Variants in IMMT observed in about 807,000 individuals in gnomAD.
The protein encoded by IMMT is inner membrane mitochondrial protein.
Under a neutral mutation model 92.7 loss-of-function variants are expected in IMMT, and 40 were observed. The observed-to-expected ratio is 0.43, with a 90% CI of 0.34 to 0.56. The LOEUF is 0.56. IMMT is among the 20% of genes least tolerant of loss of function. The pLI, the probability that IMMT is intolerant of heterozygous loss-of-function variation, is 0.03. For missense variants in IMMT, 831 were observed against 912.1 expected, an observed-to-expected ratio of 0.91 and a Z score of 1.14; for synonymous variants, 322 against 336.1, an observed-to-expected ratio of 0.96 and a Z score of 0.46.
At chr2:86,155,087 G>T (rs764812241) in intron 10 of IMMT, among the ~76,000 whole-genome samples, 14 of 152,080 alleles carry the variant, frequency 9.2e-5, no homozygotes, top group Non-Finnish European at 2.1e-4. Flanking sequence ...GGTCTTGAAC[G>T]CCTAACCTCA....
chr2:86,178,721 T>G (rs1677619620), intron 3 of IMMT, among the ~76,000 whole-genome samples: 1 of 152,020 alleles, frequency 6.6e-6, no homozygotes, highest in Non-Finnish European at 1.5e-5. Flanking sequence ...AGGTTCTACA[T>G]CCATAGATTC....
At chr2:86,194,649 GTAACTGGGT>G (rs1673402183) in intron 1 of IMMT, among the ~76,000 whole-genome samples, 1 of 152,122 alleles carries the variant, frequency 6.6e-6, no homozygotes, top group Admixed American at 6.5e-5. Flanking sequence ...AAAACTAGAA[GTAACTGGGT>G]ATTTAGGCTC....
chr2:86,171,838 G>A (rs993703729), intron 4 of IMMT, among the ~76,000 whole-genome samples: 2 of 141,104 alleles, frequency 1.4e-5, no homozygotes, highest in East Asian at 2.0e-4. Context: ...ACAGAACTGA[G>A]TTAAAATACA....
chr2:86,187,943 C>T (rs75194598), intron 1 of IMMT, among the ~76,000 whole-genome samples: 1,837 of 152,028 alleles, frequency 0.012, 45 homozygotes, highest in African/African-American at 0.041. Flanking sequence ...ACTGAGACAC[C>T]ACTAAACTAT....
At chr2:86,156,318 G>A (rs571856406) in intron 10 of IMMT, among the ~76,000 whole-genome samples, 20 of 152,266 alleles carry the variant, frequency 1.3e-4, no homozygotes, top group Middle Eastern at 6.8e-3. Flanking sequence ...GCAGCCGGGC[G>A]TGGTGTCTCA....
At chr2:86,158,795 ATTCC>A (rs1676055236) in intron 9 of IMMT, 74 bp from the exon 10 acceptor site, 1 of 1,212,444 alleles carries the variant, frequency 8.2e-7, no homozygotes, top group East Asian at 2.5e-5. Context: ...CAGAAGTAGT[ATTCC>A]TTCATTTGTT....
chr2:86,159,296 G>T, intron 9 of IMMT: 1 of 537,312 alleles, frequency 1.9e-6, no homozygotes. Context: ...TGTTGCCCAG[G>T]CTGGTCTCAA....
At chr2:86,181,192 C>A in intron 2 of IMMT, 107 bp downstream of exon 2, 1 of 760,266 alleles carries the variant, frequency 1.3e-6, no homozygotes. Flanking sequence ...TGTATGTACC[C>A]CTTTTTAAAA....
At chr2:86,156,779 C>G (rs1174932122) in intron 10 of IMMT, among the ~76,000 whole-genome samples, 1 of 152,056 alleles carries the variant, frequency 6.6e-6, no homozygotes, top group Admixed American at 6.6e-5. Flanking sequence ...AAAATTTGTC[C>G]TGCCCTGTCA....
intron 1 of IMMT, among the ~76,000 whole-genome samples, chr2:86,186,226 C>A (rs1054892552): frequency 6.6e-6 from 1 of 152,134 alleles, no homozygotes; most frequent in African/African-American, 2.4e-5. Context: ...AATGCTGATG[C>A]TTTGATGGCA....
Position 86,159,673 on chromosome 2 carries a change from T to C in IMMT, c.897-2A>G. The stretch of plus-strand genomic sequence containing the variant: ...CTTTTCATCTTCTCTAACTCTTCTC[T>C]GGAAACCAACAAAACAAAGATTTAA... On this transcript the variant is annotated splice_acceptor_variant, in intron 8 of 14. Coordinates refer to ENST00000410111, the MANE Select transcript of IMMT (RefSeq NM_006839.3). LOFTEE classifies it high-confidence loss of function. 6.5e-7 allele frequency: 1 copy of C among 1,548,008 alleles called. No individual in the cohort carries two copies. The highest frequency in any genetic ancestry group is 1.3e-5 in the South Asian group (1 of 78,132).
Position 86,145,985 on chromosome 2 carries a change from T to G in IMMT, c.1663+83A>C, listed in dbSNP as rs1026313204. The G allele has an allele frequency of 2.6e-6, 3 of 1,132,306 alleles. No individual in the cohort carries two copies. In the African/African-American group the frequency reaches 4.7e-5, roughly 18 times the overall value. The allele number at this position is 1,132,306 out of a possible 1,614,324, so 70.1% of individuals were successfully genotyped here. ...ATTTTTATGTCCTGATGTCAGTACA[T>G]GTACCCCATTTTCCCTATAAAATTA... On this transcript the variant is annotated intron_variant, in intron 14 of 14. Transcript: ENST00000410111.
At chr2:86,194,356 C>T (rs1673382793) in intron 1 of IMMT, among the ~76,000 whole-genome samples, 1 of 152,154 alleles carries the variant, frequency 6.6e-6, no homozygotes, top group Non-Finnish European at 1.5e-5. Flanking sequence ...GTATTTGTTA[C>T]GCAGCAATAG....
At position 86,195,370 on chromosome 2, in the gene IMMT, A is replaced by C; in HGVS notation, c.13T>G (p.Cys5Gly). The C allele has an allele frequency of 6.5e-7, 1 of 1,549,408 alleles. No homozygotes were observed. Among genetic ancestry groups the C allele is most frequent in the Middle Eastern group, 1.7e-4 (1 of 5,952 alleles). ...GCGGCGGTCACACCCGATAACTGAC[A>C]GGCCCGCAGCATCTCGGTCAAGCGG... MLRACQLSGVTAAAQ... is the reference protein window; with the variant it reads MLRAGQLSGVTAAAQ... The change falls in exon 1 of 15, where the codon TGT becomes GGT. Residue 5 changes from cysteine (C) to glycine (G), a missense_variant. Transcript: ENST00000410111.
chr2:86,170,663 T>C (rs772542900), intron 6 of IMMT, 86 bp downstream of exon 6: 34 of 852,200 alleles, frequency 4.0e-5, no homozygotes, highest in Non-Finnish European at 4.9e-5. Flanking sequence ...AACTAGGTGA[T>C]AGATGACAAA....
rs1386611399 is a variant in IMMT, at chr2:86,158,733, C to T, written c.1033-12G>A. ...TGAGCTGCTTGGACCTGAGCAAATA[C>T]ACAGGGTATGTGATTAAATTGAACA... On this transcript the variant is annotated splice_polypyrimidine_tract_variant and intron_variant, in intron 9 of 14. Coordinates refer to ENST00000410111, the MANE Select transcript of IMMT (RefSeq NM_006839.3). The T allele has an allele frequency of 1.9e-6, 3 of 1,591,524 alleles. No homozygotes were observed. The African/African-American group carries it at 4.0e-5, about 21-fold the overall frequency.
rs1278755798 is a variant in IMMT, at chr2:86,144,617, C to T, written c.1928G>A (p.Arg643Gln). The change falls in exon 15 of 15, where the codon CGA (arginine) becomes CAA (glutamine). Residue 643 changes from arginine (R) to glutamine (Q), a missense_variant. Coordinates refer to ENST00000410111, the MANE Select transcript of IMMT (RefSeq NM_006839.3). Reference protein sequence around the residue: ...ARFYAVQKLARRVAMIDETRN... With the variant: ...ARFYAVQKLAQRVAMIDETRN... ...GGTTTCATCAATCATTGCTACCCTT[C>T]GGGCCAGTTTTTGAACAGCATAGAA... The T allele has an allele frequency of 7.4e-6, 12 of 1,613,830 alleles. No homozygotes were observed. The highest frequency in any genetic ancestry group is 2.7e-5 in the African/African-American group (2 of 74,906).
At chr2:86,153,304 T>TACACACACACACACACACAC (rs10572745) in intron 11 of IMMT, among the ~76,000 whole-genome samples, 5 of 143,838 alleles carry the variant, frequency 3.5e-5, no homozygotes, top group African/African-American at 1.3e-4. Context: ...CAATCCATAT[T>TACACACACACACACACACAC]ACACACACAC....
At chr2:86,192,047 A>G (rs1393105306) in intron 1 of IMMT, among the ~76,000 whole-genome samples, 1 of 152,202 alleles carries the variant, frequency 6.6e-6, no homozygotes, top group South Asian at 2.1e-4. Flanking sequence ...AGCTGGAACA[A>G]CATTGCGAGA....
Sources: gnomAD v4.1 joint callset for allele counts (sites outside exome capture counted in the v4.1 genomes callset) on GRCh38, gnomAD v4.1.1 for gene constraint, MANE v1.5 for transcripts, NCBI Gene and HGNC (gene_info 2026-07-23, HGNC 2026-07-21) for gene names.